TFEC: variants seen among roughly 807,000 people sequenced by gnomAD.
The protein encoded by TFEC is transcription factor EC, also known as class E basic helix-loop-helix protein 34.
A neutral mutation model predicts 41.6 loss-of-function variants in TFEC; 31 were observed. That is an observed-to-expected ratio of 0.74 (90% CI 0.56 to 1.01). The LOEUF (loss-of-function observed/expected upper bound fraction) is 1.01, where lower values mean the gene tolerates loss of function less well. Among genes scored for constraint, TFEC ranks in the 50% least tolerant of loss-of-function variants. TFEC has a pLI of 0.00. For missense variants in TFEC, 402 were observed against 404.1 expected, an observed-to-expected ratio of 0.99 and a Z score of 0.04; for synonymous variants, 143 against 140.6, an observed-to-expected ratio of 1.02 and a Z score of -0.12.
intron 1 of TFEC, among the ~76,000 whole-genome samples, chr7:116,125,543 A>C (rs1465822991): frequency 6.6e-6 from 1 of 152,208 alleles, no homozygotes; most frequent in African/African-American, 2.4e-5. Context: ...ATTGGTCTTG[A>C]ATAAGGAAGC....
At chr7:116,155,510 A>G (rs780316583) in intron 1 of TFEC, among the ~76,000 whole-genome samples, 1 of 151,976 alleles carries the variant, frequency 6.6e-6, no homozygotes, top group Non-Finnish European at 1.5e-5. Context: ...TTTAAAGTTG[A>G]TCCCATTAAA....
chr7:116,065,953 G>A (rs1796685574), intron 3 of TFEC, among the ~76,000 whole-genome samples: 1 of 152,004 alleles, frequency 6.6e-6, no homozygotes, highest in Admixed American at 6.6e-5. Context: ...CTAAAAAATG[G>A]AATGCAACCC....
chr7:116,026,655 G>A (rs1311360113), intron 1 of TFEC, among the ~76,000 whole-genome samples: 1 of 152,202 alleles, frequency 6.6e-6, no homozygotes, highest in Non-Finnish European at 1.5e-5. Flanking sequence ...TGTAAGAGTG[G>A]ATATGCTCAG....
chr7:116,110,770 A>G lies in TFEC; in HGVS notation c.136T>C (p.Leu46=), dbSNP rs1797835883. 7 of 1,546,616 alleles carry G rather than the reference A, an allele frequency of 4.5e-6. No individual in the cohort carries two copies. The East Asian group carries it at 1.7e-4, about 38-fold the overall frequency. Residue 46 remains leucine (L), a synonymous_variant, in exon 3 of 9, where the codon TTG becomes CTG. Transcript: ENST00000484212. ...GGTCTTGCTGGGACAAGTCTATGCA[A>G]CACTGGTTTGTATGAAAACTGCATG...
chr7:115,962,453 G>A (rs1421740969), intron 3 of TFEC, among the ~76,000 whole-genome samples: 1 of 151,778 alleles, frequency 6.6e-6, no homozygotes. Flanking sequence ...CAAAGCTGCA[G>A]TTATCTAAAT....
At chr7:115,991,025 C>T (rs1465318338) in intron 1 of TFEC, among the ~76,000 whole-genome samples, 3 of 152,192 alleles carry the variant, frequency 2.0e-5, no homozygotes, top group Non-Finnish European at 2.9e-5. Flanking sequence ...AGACTAACAG[C>T]TGATCTCTCC....
intron 3 of TFEC, among the ~76,000 whole-genome samples, chr7:116,071,958 TA>T (rs747139659): frequency 6.6e-6 from 1 of 151,494 alleles, no homozygotes; most frequent in Non-Finnish European, 1.5e-5. Flanking sequence ...AAAACAGAAA[TA>T]CATAAAAGAC....
chr7:115,990,219 A>G (rs550963749), intron 1 of TFEC, among the ~76,000 whole-genome samples: 303 of 152,328 alleles, frequency 2.0e-3, no homozygotes, highest in Non-Finnish European at 3.2e-3. Flanking sequence ...CCAAAACCCC[A>G]TCTGTATGCC....
At chr7:116,091,686 TTAAA>T (rs928726979) in intron 3 of TFEC, among the ~76,000 whole-genome samples, 1 of 152,104 alleles carries the variant, frequency 6.6e-6, no homozygotes, top group African/African-American at 2.4e-5. Context: ...AATAAAATTT[TTAAA>T]TAAATAAAAA....
At chr7:116,159,537 C>T (rs1372447871) in intron 1 of TFEC, among the ~76,000 whole-genome samples, 5 of 152,012 alleles carry the variant, frequency 3.3e-5, no homozygotes, top group African/African-American at 4.8e-5. Flanking sequence ...AAGCAGTTAT[C>T]CAATTTACCA....
At chr7:116,061,824 G>C (rs1317470355) in intron 3 of TFEC, among the ~76,000 whole-genome samples, 2 of 152,210 alleles carry the variant, frequency 1.3e-5, no homozygotes, top group African/African-American at 2.4e-5. Context: ...TATATGGATA[G>C]CAAATAAGGC....
chr7:116,085,723 G>A (rs1045493934), intron 3 of TFEC, among the ~76,000 whole-genome samples: 13 of 151,886 alleles, frequency 8.6e-5, no homozygotes, highest in Non-Finnish European at 1.3e-4. Flanking sequence ...TACCTCCACT[G>A]AGGTCAGAGC....
At chr7:116,130,045 A>ACAC (rs1798300072) in intron 1 of TFEC, among the ~76,000 whole-genome samples, 11 of 142,156 alleles carry the variant, frequency 7.7e-5, no homozygotes, top group South Asian at 2.3e-4. Flanking sequence ...AACATGCAAG[A>ACAC]ACACACACAC....
chr7:116,101,236 G>A (rs1423686768), intron 3 of TFEC, among the ~76,000 whole-genome samples: 1 of 140,678 alleles, frequency 7.1e-6, no homozygotes, highest in African/African-American at 2.7e-5. Flanking sequence ...TGGGATAAGA[G>A]GATGGACACA....
chr7:116,129,878 C>A (rs1027962759), intron 1 of TFEC, among the ~76,000 whole-genome samples: 1 of 151,980 alleles, frequency 6.6e-6, no homozygotes, highest in African/African-American at 2.4e-5. Context: ...ATGCCTTTTT[C>A]TGATGTACAT....
chr7:115,946,933 TA>T (rs1375280248), intron 6 of TFEC, among the ~76,000 whole-genome samples: 3 of 151,378 alleles, frequency 2.0e-5, no homozygotes, highest in Non-Finnish European at 2.9e-5. Flanking sequence ...AATTTATTAT[TA>T]TTATACTTTA....
At chr7:116,118,442 C>T (rs1026871525) in intron 1 of TFEC, among the ~76,000 whole-genome samples, 6 of 151,726 alleles carry the variant, frequency 4.0e-5, no homozygotes, top group African/African-American at 1.5e-4. Flanking sequence ...GCTCATTGTG[C>T]CTGCATCATA....
At chr7:116,024,086 G>A (rs145841863) in intron 1 of TFEC, among the ~76,000 whole-genome samples, 54 of 152,194 alleles carry the variant, frequency 3.5e-4, no homozygotes, top group South Asian at 1.2e-3. Flanking sequence ...CGACATTAAT[G>A]AGTCCCTTCA....
At chr7:115,980,220 TTTTCC>T (rs1180296553) in intron 2 of TFEC, among the ~76,000 whole-genome samples, 1 of 152,130 alleles carries the variant, frequency 6.6e-6, no homozygotes, top group African/African-American at 2.4e-5. Flanking sequence ...CCTGCAAAAT[TTTTCC>T]TTTCCTCATG....
Sources: gnomAD v4.1 joint callset for allele counts (sites outside exome capture counted in the v4.1 genomes callset) on GRCh38, gnomAD v4.1.1 for gene constraint, MANE v1.5 for transcripts, NCBI Gene and HGNC (gene_info 2026-07-23, HGNC 2026-07-21) for gene names.